Variants in UBR4 observed in about 807,000 individuals in gnomAD.
UBR4 encodes the protein E3 ubiquitin-protein ligase UBR4.
UBR4 carries 124 observed loss-of-function variants against 575.6 expected under a neutral mutation model. That is an observed-to-expected ratio of 0.22 (90% confidence interval 0.19 to 0.25). UBR4 has a LOEUF of 0.25. Among genes scored for constraint, UBR4 ranks in the 10% least tolerant of loss-of-function variants. The pLI is 1.00. For synonymous variants in UBR4, 2,455 were observed against 2,473.7 expected, an observed-to-expected ratio of 0.99 and a Z score of 0.22; for missense variants, 4,818 against 6,478.8, an observed-to-expected ratio of 0.74 and a Z score of 8.80.
Position 19,191,981 on chromosome 1 carries a change from T to C in UBR4, c.1394+207A>G, listed in dbSNP as rs74947620. 7.9e-3 allele frequency among the ~76,000 whole-genome samples: 1,210 copies of C among 152,244 alleles called. 21 individuals carry two copies. Among genetic ancestry groups the C allele is most frequent in the East Asian group, 0.067 (348 of 5,186 alleles). ...TTTTCCCCTTTGACAGATGAGGAAA[T>C]AGAATCAAAGAGAATGAGTGACTTA... On this transcript the variant is annotated intron_variant, in intron 11 of 105. Coordinates refer to ENST00000375254, the MANE Select transcript of UBR4 (RefSeq NM_020765.3).
intron 5 of UBR4, among the ~76,000 whole-genome samples, 185 bp downstream of exon 5, chr1:19,198,356 C>T (rs1285123213): frequency 6.6e-6 from 1 of 152,092 alleles, no homozygotes; most frequent in South Asian, 2.1e-4. Context: ...CAGTAATAAC[C>T]GTGGACAGAA....
At chr1:19,168,716 G>A (rs541764857) in intron 27 of UBR4, among the ~76,000 whole-genome samples, 96 of 152,286 alleles carry the variant, frequency 6.3e-4, no homozygotes, top group Non-Finnish European at 5.4e-4. Context: ...GGTGGCTCAC[G>A]CCTGTAATCC....
intron 8 of UBR4, among the ~76,000 whole-genome samples, chr1:19,195,429 A>C (rs2092393763): frequency 6.6e-6 from 1 of 152,086 alleles, no homozygotes; most frequent in African/African-American, 2.4e-5. Context: ...AATTTTAACA[A>C]ACCAGATTTG....
Position 19,112,851 on chromosome 1 carries a change from C to A in UBR4, c.11474G>T (p.Arg3825Leu). 6.3e-7 allele frequency: 1 copy of A among 1,582,640 alleles called. No homozygotes were observed. Among genetic ancestry groups the A allele is most frequent in the Non-Finnish European group, 8.6e-7 (1 of 1,160,390 alleles). ...SKIIQKVFAS[R>L]KELLEYDLQQ... ...TAGGTCATATTCCAACAACTCTTTG[C>A]GCGAAGCAAAGACTTTCTAAGAACA... Residue 3825 changes from arginine to leucine, a missense_variant, in exon 78 of 106, where the codon CGC (arginine) becomes CTC (leucine). Coordinates refer to ENST00000375254, the MANE Select transcript of UBR4 (RefSeq NM_020765.3).
chr1:19,154,069 A>C, intron 44 of UBR4, 130 bp from the exon 45 acceptor site: 2 of 1,020,748 alleles, frequency 2.0e-6, no homozygotes, highest in South Asian at 3.3e-5. Flanking sequence ...GACTCAGATT[A>C]TCCACAGGTT....
intron 103 of UBR4, chr1:19,081,126 C>T (rs927169167): frequency 2.1e-5 from 11 of 512,372 alleles, no homozygotes; most frequent in East Asian, 6.2e-5. Flanking sequence ...GTAAGACTGG[C>T]TCTACCTTTC....
At position 19,150,800 on chromosome 1, in the gene UBR4, T is replaced by C. The variant is rs1344821227; in HGVS notation, c.7214-7A>G. 1.9e-6 allele frequency: 3 copies of C among 1,613,320 alleles called. No individual in the cohort carries two copies. Among genetic ancestry groups the C allele is most frequent in the African/African-American group, 1.3e-5 (1 of 74,832 alleles). On this transcript the variant is annotated splice_region_variant and splice_polypyrimidine_tract_variant and intron_variant, in intron 48 of 105. Transcript: ENST00000375254. ...GGATCCACCGAGGCCCCAACTGCAA[T>C]AAGCAAGAGAGGCCTTTAGGAAGCA... is the stretch of plus-strand genomic sequence containing the variant.
chr1:19,154,853 G>A, intron 44 of UBR4, 65 bp downstream of exon 44: 7 of 1,596,830 alleles, frequency 4.4e-6, no homozygotes, highest in Non-Finnish European at 6.0e-6. Context: ...AGCAGATAGT[G>A]GGAGTGGAGA....
intron 15 of UBR4, among the ~76,000 whole-genome samples, chr1:19,184,617 T>C: frequency 6.6e-6 from 1 of 152,196 alleles, no homozygotes; most frequent in Non-Finnish European, 1.5e-5. Context: ...TCCACATCCT[T>C]GACTGTAAGC....
chr1:19,173,724 T>C (rs1226271680), intron 22 of UBR4, 103 bp from the exon 23 acceptor site: 13 of 1,112,266 alleles, frequency 1.2e-5, no homozygotes, highest in Non-Finnish European at 1.7e-5. Flanking sequence ...CAGAACTGTA[T>C]AGAGTCCTGA....
Position 19,074,604 on chromosome 1 carries a change from C to G in UBR4, c.*228G>C. ...ACAACTCATGGCTCCTAGGTATGTA[C>G]AGGCCCTTTGATGGCTTGGGTTACA... On this transcript the variant is annotated 3_prime_UTR_variant, in exon 106 of 106. Transcript: ENST00000375254. 1 of 586,338 alleles carries G rather than the reference C, an allele frequency of 1.7e-6. No individual in the cohort carries two copies. The highest frequency in any genetic ancestry group is 3.1e-6 in the Non-Finnish European group (1 of 327,668). 36.3% of individuals were successfully genotyped at this position (586,338 alleles called of 1,614,324 possible). A position where few individuals can be genotyped will look rare whatever the true frequency, so the allele number is the denominator to read the frequency against.
intron 81 of UBR4, 113 bp from the exon 82 acceptor site, chr1:19,107,079 G>C: frequency 6.8e-7 from 1 of 1,465,058 alleles, no homozygotes; most frequent in Non-Finnish European, 9.2e-7. Context: ...AAGAAGATCA[G>C]GAGGATCAAC....
intron 97 of UBR4, among the ~76,000 whole-genome samples, chr1:19,092,384 G>C (rs986371263): frequency 1.3e-5 from 2 of 152,054 alleles, no homozygotes; most frequent in Non-Finnish European, 2.9e-5. Context: ...AGTTAGGATT[G>C]GATTTGTGAG....
rs2091634258 is a variant in UBR4, at chr1:19,187,227, C to A, written c.1569G>T (p.Arg523=). ...AQSTSIQRIQ[R]LIDSVPLMNL... is the part of the protein sequence containing the mutation. ...TCATCAGTGGGACAGAGTCAATCAG[C>A]CGTTGAATCCTCTGTATGGAGGTGC... The change falls in exon 13 of 106, where the codon CGG becomes CGT. Residue 523 remains arginine (R), a synonymous_variant. Coordinates refer to ENST00000375254, the MANE Select transcript of UBR4 (RefSeq NM_020765.3). The A allele has an allele frequency of 6.2e-7, 1 of 1,613,756 alleles. No individual in the cohort carries two copies. The highest frequency in any genetic ancestry group is 2.2e-5 in the East Asian group (1 of 44,870).
chr1:19,081,452 G>C lies in UBR4; in HGVS notation c.15130C>G (p.His5044Asp). ...GPYYFTVLAL[H>D]ILPPEQWRAT... ...CTCCACTGCTCAGGGGGCAGGATGT[G>C]AAGGGCCAAGACTGTGAAATAGTAG... Residue 5044 changes from histidine to aspartate, a missense_variant, in exon 103 of 106, where the codon CAC (histidine) becomes GAC (aspartate). Physicochemically the swap from His to Asp is moderately conservative, Grantham distance 81. Coordinates refer to ENST00000375254, the MANE Select transcript of UBR4 (RefSeq NM_020765.3). 1 of 1,614,046 alleles carries C rather than the reference G, an allele frequency of 6.2e-7. No homozygotes were observed. The highest frequency in any genetic ancestry group is 8.5e-7 in the Non-Finnish European group (1 of 1,180,024).
At position 19,167,189 on chromosome 1, in the gene UBR4, C is replaced by T. The variant is rs748154339; in HGVS notation, c.3942G>A (p.Leu1314=). 3 of 1,614,208 alleles carry T rather than the reference C, an allele frequency of 1.9e-6. No individual in the cohort carries two copies. Among genetic ancestry groups the T allele is most frequent in the South Asian group, 2.2e-5 (2 of 91,088 alleles). Reference sequence around the variant, plus strand: ...TGCTTGATTCCAAAAGAAGAGGTAGCAGTGTCCGAATTACCTGTGGTGGGT... The same window carrying T: ...TGCTTGATTCCAAAAGAAGAGGTAGTAGTGTCCGAATTACCTGTGGTGGGT... ...EMNPPQVIRT[L]LPLLLESSTE... is the part of the protein sequence containing the mutation. Residue 1314 remains leucine, a synonymous_variant, in exon 29 of 106, where the codon CTG becomes CTA. Coordinates refer to ENST00000375254, the MANE Select transcript of UBR4 (RefSeq NM_020765.3).
intron 55 of UBR4, among the ~76,000 whole-genome samples, chr1:19,143,755 T>G (rs563717526): frequency 6.6e-6 from 1 of 152,238 alleles, no homozygotes; most frequent in African/African-American, 2.4e-5. Context: ...CTATGGTACT[T>G]TTATTTTCCC....
At position 19,200,206 on chromosome 1, in the gene UBR4, C is replaced by T. The variant is rs113167410; in HGVS notation, c.275-452G>A. ...AATCTTTTGGCTTCCCTGGGCTACA[C>T]TGGAAGAATTGTCTTAGGTCACACA... is the stretch of plus-strand genomic sequence containing the variant. On this transcript the variant is annotated intron_variant, in intron 2 of 105. Coordinates refer to ENST00000375254, the MANE Select transcript of UBR4 (RefSeq NM_020765.3). Among the ~76,000 whole-genome samples the T allele has an allele frequency of 3.3e-4, 50 of 151,248 alleles. 1 individual carries two copies. The South Asian group carries it at 5.0e-3, about 15-fold the overall frequency.
chr1:19,077,875 C>G, intron 104 of UBR4, 101 bp downstream of exon 104: 1 of 1,597,062 alleles, frequency 6.3e-7, no homozygotes, highest in Middle Eastern at 1.7e-4. Context: ...CCAGGCCCAG[C>G]GGAGGAGCAG....
Sources: allele counts gnomAD v4.1 joint callset (sites outside exome capture counted in the v4.1 genomes callset), GRCh38; gene constraint gnomAD v4.1.1; transcripts MANE v1.5; gene names NCBI Gene and HGNC (gene_info 2026-07-23, HGNC 2026-07-21).